Variants in P3H2 observed in about 807,000 individuals in gnomAD.
P3H2 encodes the protein prolyl 3-hydroxylase 2, also known as leprecan-like 1.
P3H2 carries 80 observed loss-of-function variants against 87.0 expected under a neutral mutation model. That is an observed-to-expected ratio of 0.92 (90% CI 0.77 to 1.11). The LOEUF (loss-of-function observed/expected upper bound fraction) is 1.11. P3H2 is among the 50% of genes least tolerant of loss of function. P3H2 has a pLI of 0.00. For missense variants in P3H2, 1,001 were observed against 923.9 expected (o/e 1.08, Z -1.08); for synonymous variants, 367 against 359.3 (o/e 1.02, Z -0.24).
At position 189,970,191 on chromosome 3, in the gene P3H2, AATATATATATATATATATAT is replaced by A. The variant is rs71175322; in HGVS notation, c.1893+605_1893+624del. Among the ~76,000 whole-genome samples, 8 of 53,962 alleles carry A rather than the reference AATATATATATATATATATAT, an allele frequency of 1.5e-4. 1 individual carries two copies. Among genetic ancestry groups the A allele is most frequent in the East Asian group, 9.4e-4 (1 of 1,068 alleles). The allele number at this position is 53,962 out of a possible 152,430, so 35.4% of individuals were successfully genotyped here. ...ATCTCTCTATGCATATATATATGCA[AATATATATATATATATATAT>A]ATATATATATATGAGGCCATGTCTG... is the stretch of plus-strand genomic sequence containing the variant. On this transcript the variant is annotated intron_variant, in intron 13 of 14. Coordinates refer to ENST00000319332, the MANE Select transcript of P3H2 (RefSeq NM_018192.4).
At chr3:190,024,833 A>G (rs1006627383) in intron 1 of P3H2, among the ~76,000 whole-genome samples, 3 of 152,224 alleles carry the variant, frequency 2.0e-5, no homozygotes, top group Admixed American at 1.3e-4. Context: ...TTTTTCTTAC[A>G]GACAATGTTA....
chr3:190,118,349 C>T (rs781574895), intron 1 of P3H2, among the ~76,000 whole-genome samples: 1 of 151,964 alleles, frequency 6.6e-6, no homozygotes, highest in Non-Finnish European at 1.5e-5. Context: ...ACATCCGAGA[C>T]TCCTGGGAGG....
At position 189,995,555 on chromosome 3, in the gene P3H2, G is replaced by GGGT. The variant is rs1560354203; in HGVS notation, c.481-114_481-113insACC. On this transcript the variant is annotated intron_variant, in intron 1 of 14. Coordinates refer to ENST00000319332, the MANE Select transcript of P3H2 (RefSeq NM_018192.4). ...GTTTAAGAATGAAACTAGGAGCCTT[G>GGGT]GTTTTTTTTTTTTTTATCAGACAGG... The GGGT allele has an allele frequency of 1.6e-5, 11 of 705,560 alleles. No individual in the cohort carries two copies. In the African/African-American group the frequency reaches 2.5e-4, roughly 16 times the overall value. 43.7% of individuals were successfully genotyped at this position (705,560 alleles called of 1,614,324 possible). A position where few individuals can be genotyped will look rare whatever the true frequency, so the allele number is the denominator to read the frequency against.
At chr3:190,026,384 A>G (rs1252129143) in intron 1 of P3H2, among the ~76,000 whole-genome samples, 1 of 152,178 alleles carries the variant, frequency 6.6e-6, no homozygotes. Context: ...AATCAGCACA[A>G]GATACAGGTC....
intron 1 of P3H2, among the ~76,000 whole-genome samples, chr3:190,047,032 C>CA (rs1381303482): frequency 1.2e-4 from 7 of 56,696 alleles, no homozygotes; most frequent in Non-Finnish European, 2.2e-4. Flanking sequence ...AACTCAATAG[C>CA]AAACAAAACA....
At chr3:189,987,867 C>T (rs1723755450) in intron 4 of P3H2, 198 bp from the exon 5 acceptor site, 2 of 606,070 alleles carry the variant, frequency 3.3e-6, no homozygotes, top group Non-Finnish European at 5.8e-6. Flanking sequence ...AAGTTATTAC[C>T]TTTGGTCTGC....
intron 1 of P3H2, among the ~76,000 whole-genome samples, chr3:190,073,315 A>C (rs1013706156): frequency 1.3e-5 from 2 of 152,180 alleles, no homozygotes; most frequent in Non-Finnish European, 2.9e-5. Flanking sequence ...GTCATTTCCA[A>C]CCTCTCATCC....
chr3:190,079,427 C>A (rs1433170780), intron 1 of P3H2, among the ~76,000 whole-genome samples: 1 of 151,852 alleles, frequency 6.6e-6, no homozygotes, highest in Non-Finnish European at 1.5e-5. Flanking sequence ...GTACCTACCA[C>A]AAAGAAGTAT....
At chr3:190,045,850 G>A (rs150615378) in intron 1 of P3H2, among the ~76,000 whole-genome samples, 10 of 152,128 alleles carry the variant, frequency 6.6e-5, no homozygotes, top group Admixed American at 2.0e-4. Flanking sequence ...GGCCGGGCAC[G>A]GTGGCTCACA....
At chr3:190,065,597 T>C (rs1726470691) in intron 1 of P3H2, among the ~76,000 whole-genome samples, 1 of 152,132 alleles carries the variant, frequency 6.6e-6, no homozygotes, top group South Asian at 2.1e-4. Context: ...CTGAAGACTC[T>C]CTCTAGTCAA....
chr3:190,026,673 ATTCTT>A (rs1024051175), intron 1 of P3H2, among the ~76,000 whole-genome samples: 1 of 152,252 alleles, frequency 6.6e-6, no homozygotes, highest in African/African-American at 2.4e-5. Flanking sequence ...TGGAGTAAGT[ATTCTT>A]TTATTTCTTT....
At chr3:190,041,851 T>TA (rs1200357425) in intron 1 of P3H2, among the ~76,000 whole-genome samples, 1 of 152,210 alleles carries the variant, frequency 6.6e-6, no homozygotes, top group African/African-American at 2.4e-5. Flanking sequence ...AAGTTCAACT[T>TA]AAAAAAAATT....
chr3:190,024,530 C>CAAAAA (rs71635314), intron 1 of P3H2, among the ~76,000 whole-genome samples: 134 of 52,732 alleles, frequency 2.5e-3, no homozygotes, highest in Non-Finnish European at 3.2e-3. Flanking sequence ...GGTTCCCTCT[C>CAAAAA]AAAAAAAAAA....
chr3:190,071,625 C>T (rs1336151926), intron 1 of P3H2, among the ~76,000 whole-genome samples: 2 of 152,102 alleles, frequency 1.3e-5, no homozygotes, highest in Non-Finnish European at 1.5e-5. Context: ...ACTTATTGTG[C>T]TATTCATGGG....
chr3:189,966,112 AG>A (rs879375973), intron 13 of P3H2, among the ~76,000 whole-genome samples: 6,982 of 107,578 alleles, frequency 0.065, 196 homozygotes, highest in East Asian at 0.11. Flanking sequence ...GAAAAAAGAA[AG>A]AAAGAAAGAA....
chr3:190,003,860 T>A (rs1329990330), intron 1 of P3H2, among the ~76,000 whole-genome samples: 1 of 152,184 alleles, frequency 6.6e-6, no homozygotes, highest in Non-Finnish European at 1.5e-5. Context: ...CGAAAAGCAG[T>A]GTGGGCCAAG....
intron 3 of P3H2, among the ~76,000 whole-genome samples, chr3:189,993,355 C>T (rs1723941658): frequency 6.6e-6 from 1 of 150,632 alleles, no homozygotes; most frequent in Non-Finnish European, 1.5e-5. Flanking sequence ...TTTTCTTCTC[C>T]TAATATTATA....
chr3:190,074,517 A>C (rs1046299618), intron 1 of P3H2, among the ~76,000 whole-genome samples: 6 of 152,044 alleles, frequency 3.9e-5, no homozygotes, highest in African/African-American at 1.4e-4. Flanking sequence ...TCTCAAAATA[A>C]ATAAAATAAA....
chr3:190,109,427 A>G (rs915821188), intron 1 of P3H2, among the ~76,000 whole-genome samples: 6 of 152,226 alleles, frequency 3.9e-5, no homozygotes, highest in Non-Finnish European at 7.3e-5. Context: ...CACAGAGCTA[A>G]CCCAAAGAAA....
Sources: gnomAD v4.1 joint callset for allele counts (sites outside exome capture counted in the v4.1 genomes callset) on GRCh38, gnomAD v4.1.1 for gene constraint, MANE v1.5 for transcripts, NCBI Gene and HGNC (gene_info 2026-07-23, HGNC 2026-07-21) for gene names.